SASH3: variants seen among roughly 807,000 people sequenced by gnomAD.
SASH3 encodes the protein SAM and SH3 domain-containing protein 3.
Under a neutral mutation model 26.1 loss-of-function variants are expected in SASH3, and 7 were observed. The ratio of observed to expected loss-of-function variants is 0.27; its 90% CI spans 0.15 to 0.50. SASH3 has a LOEUF of 0.50. Ranked by LOEUF, SASH3 falls within the 20% of genes least tolerant of loss-of-function variation. The probability of loss-of-function intolerance (pLI) is 0.98; values close to 1 mark genes in which losing one functional copy is unlikely to be tolerated. For missense variants in SASH3, 231 were observed against 318.3 expected (o/e 0.73, Z 2.09); for synonymous variants, 138 against 136.8 (o/e 1.01, Z -0.06).
chrX:129,791,065 C>T lies in SASH3; in HGVS notation c.426C>T (p.Ser142=), dbSNP rs1177454617. The T allele has an allele frequency of 8.3e-7, 1 of 1,210,837 alleles. No individual in the cohort carries two copies. Among genetic ancestry groups the T allele is most frequent in the Non-Finnish European group, 1.1e-6 (1 of 895,045 alleles). ...EQEEHELPVL[S]RQASTGSELC... ...AGGAGCATGAACTTCCGGTGCTCAGCCGCCAGGCATCAACAGGTGAGTAGG... is the reference window on the plus strand; with the variant it reads ...AGGAGCATGAACTTCCGGTGCTCAGTCGCCAGGCATCAACAGGTGAGTAGG... Residue 142 remains serine (S), a synonymous_variant, in exon 4 of 8, where the codon AGC becomes AGT. Coordinates refer to ENST00000356892, the MANE Select transcript of SASH3 (RefSeq NM_018990.4).
intron 7 of SASH3, among the ~76,000 whole-genome samples, chrX:129,793,390 G>A (rs1927267899): frequency 8.9e-6 from 1 of 112,627 alleles, no homozygotes. Context: ...CCTTACTTGA[G>A]GCCTCAAAGC....
chrX:129,792,313 C>T lies in SASH3; in HGVS notation c.443-15C>T, dbSNP rs754616395. On this transcript the variant is annotated splice_polypyrimidine_tract_variant and intron_variant, in intron 4 of 7. Coordinates refer to ENST00000356892, the MANE Select transcript of SASH3 (RefSeq NM_018990.4). ...AGGACAAAGGTGAGCCTCCTCCCTG[C>T]CCCATCTCCTGCAGGCAGTGAGCTC... 4.2e-6 allele frequency: 5 copies of T among 1,195,326 alleles called. No individual in the cohort carries two copies. In the East Asian group the frequency reaches 1.2e-4, roughly 28 times the overall value.
rs1015376977 is a variant in SASH3, at chrX:129,794,073, TG to T, written c.*242del. The stretch of plus-strand genomic sequence containing the variant: ...CTGAGCCCCGCCCTCCACCAGCGAC[TG>T]ACAGCGCAGCCCCTCCTGGCACCAA... On this transcript the variant is annotated 3_prime_UTR_variant, in exon 8 of 8. Transcript: ENST00000356892. The T allele has an allele frequency of 1.8e-5, 7 of 388,401 alleles. No individual in the cohort carries two copies. The Admixed American group carries it at 2.2e-4, about 12-fold the overall frequency. The allele number at this position is 388,401 out of a possible 1,213,427, so 32.0% of individuals were successfully genotyped here.
chrX:129,783,858 G>A (rs1175795982), intron 1 of SASH3, among the ~76,000 whole-genome samples: 1 of 111,662 alleles, frequency 9.0e-6, no homozygotes, highest in African/African-American at 3.3e-5. Context: ...GGGGCAGTGT[G>A]GACCTCTGAG....
At chrX:129,791,804 A>G (rs1927237000) in intron 4 of SASH3, among the ~76,000 whole-genome samples, 1 of 112,454 alleles carries the variant, frequency 8.9e-6, no homozygotes, top group Middle Eastern at 4.6e-3. Flanking sequence ...AAGGAGCCCA[A>G]CTGAGTTTCT....
Position 129,792,749 on chromosome X carries a change from G to A in SASH3, c.714G>A (p.Gly238=), listed in dbSNP as rs1927254230. 11 of 1,209,892 alleles carry A rather than the reference G, an allele frequency of 9.1e-6. No individual in the cohort carries two copies. The highest frequency in any genetic ancestry group is 1.2e-5 in the Non-Finnish European group (11 of 895,269). The part of the protein sequence containing the change: ...YVDVLPEEAV[G]HARPSRRQSK... ...ATGTGCTGCCCGAGGAGGCCGTGGG[G>A]CATGCCCGCCCCAGCCGCCGACAGA... Residue 238 remains glycine (G), a synonymous_variant, in exon 6 of 8, where the codon GGG becomes GGA. Coordinates refer to ENST00000356892, the MANE Select transcript of SASH3 (RefSeq NM_018990.4).
intron 2 of SASH3, 32 bp downstream of exon 2, chrX:129,788,102 C>T (rs1927141697): frequency 7.5e-6 from 3 of 399,267 alleles, no homozygotes; most frequent in African/African-American, 3.3e-5. Flanking sequence ...TGGGATCTGG[C>T]TGCAGGCCCT....
chrX:129,791,281 A>G (rs927949040), intron 4 of SASH3, among the ~76,000 whole-genome samples, 200 bp downstream of exon 4: 1 of 112,105 alleles, frequency 8.9e-6, no homozygotes, highest in Non-Finnish European at 1.9e-5. Flanking sequence ...TGCTTTATTG[A>G]TGTGGAAACA....
rs1172007377 is a variant in SASH3 at position 129,794,141 on chromosome X, T to A, written c.*309T>A. 1.2e-5 allele frequency: 4 copies of A among 320,436 alleles called. No homozygotes were observed. The highest frequency in any genetic ancestry group is 1.7e-5 in the Non-Finnish European group (3 of 180,777). The allele number at this position is 320,436 out of a possible 1,213,427, so 26.4% of individuals were successfully genotyped here. ...GCCACGGCCACAGCAAGTGGGGCACTGGGAAACCCTGCCCATGTCCCTCAC... is the reference window on the plus strand; with the variant it reads ...GCCACGGCCACAGCAAGTGGGGCACAGGGAAACCCTGCCCATGTCCCTCAC... On this transcript the variant is annotated 3_prime_UTR_variant, in exon 8 of 8. Transcript: ENST00000356892.
chrX:129,784,209 GCCCC>G (rs1569311661), intron 1 of SASH3, among the ~76,000 whole-genome samples: 10 of 111,221 alleles, frequency 9.0e-5, no homozygotes, highest in African/African-American at 3.3e-4. Context: ...TTGGTGGCCA[GCCCC>G]TTTACTCAAC....
intron 2 of SASH3, 128 bp from the exon 3 acceptor site, chrX:129,788,303 G>A (rs1319655395): frequency 3.0e-6 from 2 of 667,144 alleles, no homozygotes; most frequent in African/African-American, 4.4e-5. Context: ...GTTAAGAGGG[G>A]AGGGGATGGG....
Position 129,794,090 on chromosome X carries a change from C to T in SASH3, c.*258C>T, listed in dbSNP as rs1927287729. On this transcript the variant is annotated 3_prime_UTR_variant, in exon 8 of 8. Coordinates refer to ENST00000356892, the MANE Select transcript of SASH3 (RefSeq NM_018990.4). Reference sequence around the variant, plus strand: ...CCAGCGACTGACAGCGCAGCCCCTCCTGGCACCAACTGCTCCCCTGCCATG... The same window carrying T: ...CCAGCGACTGACAGCGCAGCCCCTCTTGGCACCAACTGCTCCCCTGCCATG... 1 of 367,926 alleles carries T rather than the reference C, an allele frequency of 2.7e-6. No homozygotes were observed. The highest frequency in any genetic ancestry group is 4.8e-6 in the Non-Finnish European group (1 of 210,256). The allele number at this position is 367,926 out of a possible 1,213,427, so 30.3% of individuals were successfully genotyped here. A position where few individuals can be genotyped will look rare whatever the true frequency, so the allele number is the denominator to read the frequency against.
At chrX:129,788,130 T>TGGGGGGGGGGGGG in intron 2 of SASH3, 60 bp downstream of exon 2, 2 of 157,198 alleles carry the variant, frequency 1.3e-5, no homozygotes, top group African/African-American at 6.5e-5. Flanking sequence ...GGGGTGGGGG[T>TGGGGGGGGGGGGG]GGGAGGGAAG....
intron 3 of SASH3, among the ~76,000 whole-genome samples, chrX:129,789,703 A>C (rs1269065736): frequency 8.9e-6 from 1 of 111,976 alleles, no homozygotes; most frequent in Non-Finnish European, 1.9e-5. Flanking sequence ...GAAAGTTGGC[A>C]CAGGCAGCTG....
intron 3 of SASH3, among the ~76,000 whole-genome samples, chrX:129,790,190 T>G (rs867715713): frequency 5.0e-4 from 56 of 112,131 alleles, no homozygotes; most frequent in African/African-American, 1.8e-3. Flanking sequence ...GCTGCTGAGG[T>G]TACGTGCATC....
chrX:129,786,004 A>T (rs184655881), intron 1 of SASH3, among the ~76,000 whole-genome samples: 1 of 112,284 alleles, frequency 8.9e-6, no homozygotes, highest in Admixed American at 9.4e-5. Context: ...AAAAAGAGGA[A>T]AGAATAGTGG....
At chrX:129,788,117 A>AAG in intron 2 of SASH3, 47 bp downstream of exon 2, 1 of 88,940 alleles carries the variant, frequency 1.1e-5, no homozygotes, top group Non-Finnish European at 2.4e-5. Flanking sequence ...GGCCCTGGGC[A>AAG]GGGGGGTGGG....
Position 129,783,943 on chromosome X carries a change from T to C in SASH3, c.57+3789T>C, listed in dbSNP as rs1306603409. ...ATTGAAAAATCTTTCCATAGAAGTA[T>C]AATATCCATACAGAGAAGTGGATAA... On this transcript the variant is annotated intron_variant, in intron 1 of 7. Coordinates refer to ENST00000356892, the MANE Select transcript of SASH3 (RefSeq NM_018990.4). Among the ~76,000 whole-genome samples, 7 of 111,683 alleles carry C rather than the reference T, an allele frequency of 6.3e-5. No individual in the cohort carries two copies. The South Asian group carries it at 2.6e-3, about 41-fold the overall frequency.
chrX:129,789,414 C>T (rs1927190406), intron 3 of SASH3, among the ~76,000 whole-genome samples: 1 of 110,582 alleles, frequency 9.0e-6, no homozygotes, highest in South Asian at 3.8e-4. Context: ...AGGTGGATCA[C>T]CTGAGGTCAG....
Sources: gnomAD v4.1 joint callset for allele counts (sites outside exome capture counted in the v4.1 genomes callset) on GRCh38, gnomAD v4.1.1 for gene constraint, MANE v1.5 for transcripts, NCBI Gene and HGNC (gene_info 2026-07-23, HGNC 2026-07-21) for gene names.